CECR2: variants seen among roughly 807,000 people sequenced by gnomAD.
The protein encoded by CECR2 is CECR2 histone acetyl-lysine reader.
In CECR2, 30 loss-of-function variants were observed where a neutral mutation model predicts 154.5. The observed-to-expected ratio is 0.19, with a 90% CI of 0.15 to 0.26. The LOEUF (loss-of-function observed/expected upper bound fraction) is 0.26, where lower values mean the gene tolerates loss of function less well. Among genes scored for constraint, CECR2 ranks in the 10% least tolerant of loss-of-function variants. The probability of loss-of-function intolerance (pLI) is 1.00; values close to 1 mark genes in which losing one functional copy is unlikely to be tolerated. For missense variants in CECR2, 1,743 were observed against 1,829.3 expected (o/e 0.95, Z 0.86); for synonymous variants, 725 against 683.7 (o/e 1.06, Z -0.94).
chr22:17,436,864 G>T (rs2054514448), intron 1 of CECR2, among the ~76,000 whole-genome samples: 1 of 152,208 alleles, frequency 6.6e-6, no homozygotes, highest in African/African-American at 2.4e-5. Context: ...CTGGCTTTCA[G>T]GCCTGAATCA....
At chr22:17,427,438 C>A (rs1266482242) in intron 1 of CECR2, among the ~76,000 whole-genome samples, 1 of 152,088 alleles carries the variant, frequency 6.6e-6, no homozygotes, top group East Asian at 1.9e-4. Context: ...CTGGTGGGTT[C>A]TTGGTCTCGC....
chr22:17,424,989 T>C (rs895183846), intron 1 of CECR2, among the ~76,000 whole-genome samples: 1 of 152,254 alleles, frequency 6.6e-6, no homozygotes, highest in Non-Finnish European at 1.5e-5. Context: ...CAGAATGATA[T>C]AATCTAATAT....
At chr22:17,508,789 C>T (rs1478764933) in intron 7 of CECR2, among the ~76,000 whole-genome samples, 2 of 152,182 alleles carry the variant, frequency 1.3e-5, no homozygotes, top group African/African-American at 2.4e-5. Flanking sequence ...AATATATCCT[C>T]ATTGTTAAGT....
intron 1 of CECR2, among the ~76,000 whole-genome samples, chr22:17,423,881 T>G (rs954389433): frequency 6.6e-6 from 1 of 152,216 alleles, no homozygotes; most frequent in African/African-American, 2.4e-5. Context: ...TTTTACTTGT[T>G]AAGTCGGACT....
chr22:17,479,223 G>A (rs1163765107), intron 2 of CECR2, among the ~76,000 whole-genome samples: 1 of 152,168 alleles, frequency 6.6e-6, no homozygotes, highest in Non-Finnish European at 1.5e-5. Flanking sequence ...AAGGCTTAAA[G>A]GCTTTTGCCA....
intron 8 of CECR2, among the ~76,000 whole-genome samples, chr22:17,522,447 G>A (rs1249504938): frequency 6.6e-6 from 1 of 152,084 alleles, no homozygotes; most frequent in African/African-American, 2.4e-5. Context: ...TGCAGTCTTC[G>A]GGACAGTCGT....
At chr22:17,414,150 T>G (rs1026511050) in intron 1 of CECR2, among the ~76,000 whole-genome samples, 3 of 151,254 alleles carry the variant, frequency 2.0e-5, no homozygotes, top group Non-Finnish European at 4.4e-5. Flanking sequence ...TTTTTTGTAT[T>G]TTTAGTAGAG....
chr22:17,527,058 A>G (rs1403070438), intron 9 of CECR2, among the ~76,000 whole-genome samples: 1 of 152,208 alleles, frequency 6.6e-6, no homozygotes, highest in Non-Finnish European at 1.5e-5. Flanking sequence ...AAGGATGAAT[A>G]ACCAGAATGT....
At chr22:17,418,767 G>A (rs79810744) in intron 1 of CECR2, 3,478 of 316,890 alleles carry the variant, frequency 0.011, 118 homozygotes, top group African/African-American at 0.072. Context: ...TTGGAGAGAG[G>A]GAGGACGGGA....
Position 17,511,850 on chromosome 22 carries a change from C to T in CECR2, c.908C>T (p.Pro303Leu), listed in dbSNP as rs374911807. 5.0e-6 allele frequency: 8 copies of T among 1,611,780 alleles called. No individual in the cohort carries two copies. The highest frequency in any genetic ancestry group is 6.8e-6 in the Non-Finnish European group (8 of 1,178,636). ...RPQRTKAELH[P>L]RWMSDHLSIK... is the part of the protein sequence containing the mutation. ...CAGCGCACAAAGGCAGAGTTGCATC[C>T]TAGGTGGATGTCTGACCACCTGTCC... is the stretch of plus-strand genomic sequence containing the variant. The change falls in exon 8 of 19, where the codon CCT (proline) becomes CTT (leucine). Residue 303 changes from proline to leucine, a missense_variant. Coordinates refer to ENST00000262608, the MANE Select transcript of CECR2 (RefSeq NM_001290047.2).
upstream of CECR2, among the ~76,000 whole-genome samples, chr22:17,364,823 T>A (rs1343327908): frequency 2.0e-5 from 3 of 147,710 alleles, no homozygotes; most frequent in African/African-American, 7.5e-5. Context: ...GGAGATTCCG[T>A]CTCAAAAAAC....
intron 9 of CECR2, among the ~76,000 whole-genome samples, chr22:17,526,153 A>G (rs1219370689): frequency 6.6e-6 from 1 of 152,182 alleles, no homozygotes; most frequent in Non-Finnish European, 1.5e-5. Context: ...ATAGAAAAAA[A>G]AATCCTTTAA....
At chr22:17,530,411 C>T (rs567331832) in intron 9 of CECR2, among the ~76,000 whole-genome samples, 5 of 151,938 alleles carry the variant, frequency 3.3e-5, no homozygotes, top group South Asian at 2.1e-4. Context: ...CGGTGGCTCA[C>T]GCCTGTAATC....
intron 2 of CECR2, among the ~76,000 whole-genome samples, chr22:17,478,576 C>T (rs1444729097): frequency 6.6e-6 from 1 of 151,996 alleles, no homozygotes; most frequent in Admixed American, 6.6e-5. Context: ...AGGATGGTCT[C>T]GATCTCCCGA....
intron 18 of CECR2, among the ~76,000 whole-genome samples, 164 bp from the exon 19 acceptor site, chr22:17,552,671 C>G (rs985470338): frequency 1.3e-5 from 2 of 151,976 alleles, no homozygotes; most frequent in African/African-American, 2.4e-5. Flanking sequence ...ATTGAGAAGT[C>G]CAGGACTCTA....
At chr22:17,372,454 T>TC (rs1247469431) in intron 1 of CECR2, among the ~76,000 whole-genome samples, 1 of 152,098 alleles carries the variant, frequency 6.6e-6, no homozygotes, top group East Asian at 1.9e-4. Context: ...TCACCTGAAG[T>TC]CAGGAGTTCG....
intron 17 of CECR2, among the ~76,000 whole-genome samples, chr22:17,550,808 G>A (rs930127740): frequency 2.0e-5 from 3 of 152,176 alleles, no homozygotes; most frequent in Non-Finnish European, 4.4e-5. Context: ...CGGGCGTGGT[G>A]GTGGGCACCT....
chr22:17,384,360 A>T (rs1363192924), intron 1 of CECR2, among the ~76,000 whole-genome samples: 1 of 152,218 alleles, frequency 6.6e-6, no homozygotes, highest in Non-Finnish European at 1.5e-5. Context: ...TTAGGATTAC[A>T]GGTGTGAGCC....
At chr22:17,529,570 C>CA (rs1331401028) in intron 9 of CECR2, among the ~76,000 whole-genome samples, 1 of 151,412 alleles carries the variant, frequency 6.6e-6, no homozygotes, top group Non-Finnish European at 1.5e-5. Context: ...CGTGGTGGCA[C>CA]ATGCCTGTAG....
Sources: gnomAD v4.1 joint callset for allele counts (sites outside exome capture counted in the v4.1 genomes callset) on GRCh38, gnomAD v4.1.1 for gene constraint, MANE v1.5 for transcripts, NCBI Gene and HGNC (gene_info 2026-07-23, HGNC 2026-07-21) for gene names.